Variants in NXPH1 observed in about 807,000 individuals in gnomAD.
NXPH1 encodes the protein neurexophilin-1.
A neutral mutation model predicts 23.7 loss-of-function variants in NXPH1; 5 were observed. That is an observed-to-expected ratio of 0.21 (90% CI 0.11 to 0.44). The LOEUF is 0.44. NXPH1 is among the 20% of genes least tolerant of loss of function. The pLI is 0.99. For synonymous variants in NXPH1, 144 were observed against 122.2 expected, an observed-to-expected ratio of 1.18 and a Z score of -1.18; for missense variants, 324 against 321.6, an observed-to-expected ratio of 1.01 and a Z score of -0.06.
At chr7:8,655,245 C>T (rs965568774) in intron 2 of NXPH1, among the ~76,000 whole-genome samples, 5 of 151,914 alleles carry the variant, frequency 3.3e-5, no homozygotes, top group East Asian at 1.9e-4. Flanking sequence ...ATTAGCTGGC[C>T]GTGGTGGCAT....
intron 2 of NXPH1, among the ~76,000 whole-genome samples, chr7:8,542,501 T>C (rs1818134896): frequency 6.6e-6 from 1 of 151,582 alleles, no homozygotes; most frequent in Non-Finnish European, 1.5e-5. Context: ...GAAAACTCTA[T>C]GCAACAAGAG....
chr7:8,612,712 G>T (rs965721118), intron 2 of NXPH1, among the ~76,000 whole-genome samples: 1 of 151,928 alleles, frequency 6.6e-6, no homozygotes, highest in African/African-American at 2.4e-5. Context: ...TGTCTTCACA[G>T]TCTGTCTCAT....
At chr7:8,632,503 A>C (rs1454626108) in intron 2 of NXPH1, among the ~76,000 whole-genome samples, 5 of 152,144 alleles carry the variant, frequency 3.3e-5, no homozygotes, top group Non-Finnish European at 4.4e-5. Flanking sequence ...AGTCACTTTA[A>C]GGGTTATCCT....
intron 2 of NXPH1, among the ~76,000 whole-genome samples, chr7:8,737,137 G>A (rs972268006): frequency 6.6e-6 from 1 of 152,090 alleles, no homozygotes; most frequent in African/African-American, 2.4e-5. Context: ...TACATTTAAA[G>A]TTAATATTGT....
At position 8,651,633 on chromosome 7, in the gene NXPH1, C is replaced by A. The variant is rs114690126; in HGVS notation, c.55-99375C>A. Among the ~76,000 whole-genome samples, 1,103 of 152,284 alleles carry A rather than the reference C, an allele frequency of 7.2e-3. 12 individuals carry two copies. The highest frequency in any genetic ancestry group is 0.025 in the African/African-American group (1,037 of 41,556). On this transcript the variant is annotated intron_variant, in intron 2 of 2. Transcript: ENST00000405863. ...TAATTTTAAGTTGCTAAATAAAATT[C>A]TCTGTACCTTTCGGATTTATTCAGA... is the stretch of plus-strand genomic sequence containing the variant.
Position 8,629,000 on chromosome 7 carries a change from A to G in NXPH1, c.55-122008A>G, listed in dbSNP as rs140480180. 7.3e-3 allele frequency among the ~76,000 whole-genome samples: 1,104 copies of G among 151,554 alleles called. 9 individuals are homozygous for G. The highest frequency in any genetic ancestry group is 0.017 in the Middle Eastern group (5 of 294). ...TGGCAAAATTTAAGATAAATCTAGT[A>G]AATTCTTCTAATAGCTTTGTGCTGT... is the stretch of plus-strand genomic sequence containing the variant. On this transcript the variant is annotated intron_variant, in intron 2 of 2. Coordinates refer to ENST00000405863, the MANE Select transcript of NXPH1 (RefSeq NM_152745.3).
intron 2 of NXPH1, among the ~76,000 whole-genome samples, chr7:8,537,964 G>C (rs1818054477): frequency 6.6e-6 from 1 of 151,854 alleles, no homozygotes; most frequent in Non-Finnish European, 1.5e-5. Context: ...GGAGCCCTAT[G>C]ATATGCTCCT....
At chr7:8,679,878 A>T (rs1404601640) in intron 2 of NXPH1, among the ~76,000 whole-genome samples, 2 of 152,214 alleles carry the variant, frequency 1.3e-5, no homozygotes, top group Non-Finnish European at 2.9e-5. Flanking sequence ...AAAATTAGCC[A>T]GGTGTGGTGG....
chr7:8,460,796 C>G (rs1487249729), intron 2 of NXPH1, among the ~76,000 whole-genome samples: 2 of 152,192 alleles, frequency 1.3e-5, no homozygotes, highest in Non-Finnish European at 2.9e-5. Flanking sequence ...GACCACCTAT[C>G]TTTGGAAAAA....
chr7:8,490,041 T>G (rs1439465209), intron 2 of NXPH1, among the ~76,000 whole-genome samples: 1 of 152,064 alleles, frequency 6.6e-6, no homozygotes, highest in African/African-American at 2.4e-5. Context: ...TATTCCTGAG[T>G]CCCAGCCTTA....
At chr7:8,628,246 A>G (rs1360568467) in intron 2 of NXPH1, among the ~76,000 whole-genome samples, 2 of 152,102 alleles carry the variant, frequency 1.3e-5, no homozygotes, top group Non-Finnish European at 2.9e-5. Flanking sequence ...CAAAGAAAAA[A>G]CGTCACTAAC....
intron 2 of NXPH1, among the ~76,000 whole-genome samples, chr7:8,708,480 C>T (rs754854694): frequency 1.6e-4 from 25 of 152,088 alleles, no homozygotes; most frequent in Non-Finnish European, 2.8e-4. Context: ...CTTGCCTTAG[C>T]CTCCCGTGTA....
chr7:8,610,448 G>A (rs1005587968), intron 2 of NXPH1, among the ~76,000 whole-genome samples: 1 of 152,040 alleles, frequency 6.6e-6, no homozygotes, highest in Non-Finnish European at 1.5e-5. Flanking sequence ...CATCACTATG[G>A]CTTATGACAT....
At chr7:8,583,678 T>C (rs1003226261) in intron 2 of NXPH1, among the ~76,000 whole-genome samples, 1 of 152,096 alleles carries the variant, frequency 6.6e-6, no homozygotes, top group Non-Finnish European at 1.5e-5. Flanking sequence ...AGAGCAGATA[T>C]TGAACAGGGG....
At chr7:8,717,465 G>T (rs1779895904) in intron 2 of NXPH1, among the ~76,000 whole-genome samples, 1 of 151,920 alleles carries the variant, frequency 6.6e-6, no homozygotes, top group Non-Finnish European at 1.5e-5. Context: ...ATAATGTGTG[G>T]ATTAAAAAAA....
chr7:8,589,409 AAAGT>A (rs1471134019), intron 2 of NXPH1, among the ~76,000 whole-genome samples: 1 of 152,088 alleles, frequency 6.6e-6, no homozygotes, highest in African/African-American at 2.4e-5. Flanking sequence ...CCAGAAGGAG[AAAGT>A]AAGTATGCAC....
chr7:8,735,462 C>A (rs1780232878), intron 2 of NXPH1, among the ~76,000 whole-genome samples: 1 of 152,164 alleles, frequency 6.6e-6, no homozygotes, highest in Admixed American at 6.5e-5. Flanking sequence ...TATGTTGAAC[C>A]AGCCTTGCAT....
intron 2 of NXPH1, among the ~76,000 whole-genome samples, chr7:8,727,843 A>T (rs1298326108): frequency 1.3e-5 from 2 of 151,706 alleles, no homozygotes; most frequent in African/African-American, 4.9e-5. Context: ...TTCCATATGA[A>T]CTTTAAAGTA....
At chr7:8,445,385 A>G (rs181853564) in intron 2 of NXPH1, among the ~76,000 whole-genome samples, 19 of 152,342 alleles carry the variant, frequency 1.2e-4, no homozygotes, top group Admixed American at 5.9e-4. Flanking sequence ...GTGCAGTATG[A>G]TGCAGGAAGC....
Sources: allele counts gnomAD v4.1 joint callset (sites outside exome capture counted in the v4.1 genomes callset), GRCh38; gene constraint gnomAD v4.1.1; transcripts MANE v1.5; gene names NCBI Gene and HGNC (gene_info 2026-07-23, HGNC 2026-07-21).